Variants in ZNF853 observed in about 807,000 individuals in gnomAD.
ZNF853 encodes zinc finger protein 853.
ZNF853 carries 57 observed loss-of-function variants against 94.7 expected under a neutral mutation model. The ratio of observed to expected loss-of-function variants is 0.60; its 90% CI spans 0.49 to 0.75. The LOEUF (loss-of-function observed/expected upper bound fraction) is 0.75. ZNF853 is among the 30% of genes least tolerant of loss of function. ZNF853 has a pLI of 0.00. For synonymous variants in ZNF853, 448 were observed against 406.3 expected, an observed-to-expected ratio of 1.10 and a Z score of -1.23; for missense variants, 785 against 868.9, an observed-to-expected ratio of 0.90 and a Z score of 1.21.
chr7:6,617,588 G>T (rs1782530580), intron 2 of ZNF853: 2 of 985,312 alleles, frequency 2.0e-6, no homozygotes, highest in Non-Finnish European at 1.2e-6. Context: ...CTGGCAGCCA[G>T]AGGGCCTCCA....
chr7:6,619,499 T>C, intron 2 of ZNF853, among the ~76,000 whole-genome samples: 2 of 152,144 alleles, frequency 1.3e-5, no homozygotes, highest in African/African-American at 4.8e-5. Context: ...CTCAATCTCC[T>C]GACCTCGTGA....
chr7:6,619,417 G>A, intron 2 of ZNF853, among the ~76,000 whole-genome samples: 2 of 152,072 alleles, frequency 1.3e-5, no homozygotes, highest in South Asian at 4.2e-4. Context: ...GACTACAGGC[G>A]CACACCACCA....
chr7:6,621,034 G>C, intron 2 of ZNF853, 88 bp from the exon 3 acceptor site: 1 of 1,425,602 alleles, frequency 7.0e-7, no homozygotes, highest in Non-Finnish European at 9.2e-7. Flanking sequence ...GTATCTTTGA[G>C]GGCAGGGTAA....
chr7:6,621,201 G>T lies in ZNF853; in HGVS notation c.210G>T (p.Ser70=). Residue 70 remains serine (S), a synonymous_variant, in exon 3 of 3, where the codon TCG becomes TCT. Coordinates refer to ENST00000457543, the MANE Select transcript of ZNF853 (RefSeq NM_017560.3). Reference sequence around the variant, plus strand: ...GCAGTCCACAGCGGCCAGCAGTCTCGGCCCCAGTGGGGGCCAGTGAAATCG... The same window carrying T: ...GCAGTCCACAGCGGCCAGCAGTCTCTGCCCCAGTGGGGGCCAGTGAAATCG... The part of the protein sequence containing the change: ...RNSSPQRPAV[S]APVGASEIAE... 6.6e-7 allele frequency: 1 copy of T among 1,523,768 alleles called. No individual in the cohort carries two copies. Among genetic ancestry groups the T allele is most frequent in the South Asian group, 1.3e-5 (1 of 78,854 alleles). The allele number at this position is 1,523,768 out of a possible 1,614,324, so 94.4% of individuals were successfully genotyped here. A position where few individuals can be genotyped will look rare whatever the true frequency, so the allele number is the denominator to read the frequency against.
Position 6,621,717 on chromosome 7 carries a change from A to T in ZNF853, c.726A>T (p.Leu242=). 6.4e-7 allele frequency: 1 copy of T among 1,550,726 alleles called. No individual in the cohort carries two copies. The highest frequency in any genetic ancestry group is 8.7e-7 in the Non-Finnish European group (1 of 1,146,822). Reference sequence around the variant, plus strand: ...AGTTACAGCAGCAGCAGCAGCTACTATTGCTGCAGCAGCAGGGACAGTTAC... The same window carrying T: ...AGTTACAGCAGCAGCAGCAGCTACTTTTGCTGCAGCAGCAGGGACAGTTAC... ...QEQLQQQQQL[L]LLQQQGQLQQ... is the part of the protein sequence containing the mutation. Residue 242 remains leucine (L), a synonymous_variant, in exon 3 of 3, where the codon CTA becomes CTT. Transcript: ENST00000457543.
chr7:6,622,506 C>A lies in ZNF853; in HGVS notation c.1515C>A (p.Ala505=). 1 of 1,545,748 alleles carries A rather than the reference C, an allele frequency of 6.5e-7. No individual in the cohort carries two copies. ...GCACGGACCTGGTGCGCCACCAGGC[C>A]ACGCACACGGGTGAGCGGCCACACC... The part of the protein sequence containing the change: ...SRSTDLVRHQ[A]THTGERPHRC... Residue 505 remains alanine (A), a synonymous_variant, in exon 3 of 3, where the codon GCC becomes GCA. Transcript: ENST00000457543.
rs1225558233 is a variant in ZNF853, at chr7:6,622,851, C to T, written c.1860C>T (p.His620=). The change falls in exon 3 of 3, where the codon CAC becomes CAT. Residue 620 remains histidine (H), a synonymous_variant. Transcript: ENST00000457543. ...TCCGCCGCCACGAGCGCCAGCTGCA[C>T]GGCGCGGGCCGCTCCAGGGGCCTCG... ...VQIRRHERQL[H]GAGRSRGLGL... The T allele has an allele frequency of 1.1e-5, 16 of 1,471,674 alleles. No individual in the cohort carries two copies. Among genetic ancestry groups the T allele is most frequent in the Admixed American group, 4.6e-5 (2 of 43,438 alleles). 91.2% of individuals were successfully genotyped at this position (1,471,674 alleles called of 1,614,324 possible).
rs1401232862 is a variant in ZNF853, at chr7:6,621,323, A to C, written c.332A>C (p.Gln111Pro). Residue 111 changes from glutamine (Q) to proline (P), a missense_variant, in exon 3 of 3, where the codon CAG becomes CCG. Coordinates refer to ENST00000457543, the MANE Select transcript of ZNF853 (RefSeq NM_017560.3). The part of the protein sequence containing the change: ...QQQPQHEQLQ[Q>P]PQPHLELQQQ... Reference sequence around the variant, plus strand: ...CAGCCGCAACACGAGCAGCTGCAACAGCCGCAGCCACACCTAGAACTGCAA... The same window carrying C: ...CAGCCGCAACACGAGCAGCTGCAACCGCCGCAGCCACACCTAGAACTGCAA... The C allele has an allele frequency of 1.3e-6, 2 of 1,551,548 alleles. No individual in the cohort carries two copies. The highest frequency in any genetic ancestry group is 2.4e-5 in the East Asian group (1 of 40,910).
chr7:6,621,086 T>G lies in ZNF853; in HGVS notation c.131-36T>G. The G allele has an allele frequency of 1.2e-5, 18 of 1,460,904 alleles. 1 individual carries two copies. In the South Asian group the frequency reaches 2.1e-4, roughly 17 times the overall value. The allele number at this position is 1,460,904 out of a possible 1,614,324, so 90.5% of individuals were successfully genotyped here. ...TCTGCACCAGAGAGCTTCCTGTAGA[T>G]CTTTCTCTCTTGGCTTCCTGCCATT... On this transcript the variant is annotated intron_variant, in intron 2 of 2. Transcript: ENST00000457543.
rs1447687554 is a variant in ZNF853 at position 6,622,825 on chromosome 7, A to G, written c.1834A>G (p.Ile612Val). ...CGAGCGCTTCCGACACAAGGTGCAG[A>G]TCCGCCGCCACGAGCGCCAGCTGCA... ...CGERFRHKVQ[I>V]RRHERQLHGA... Residue 612 changes from isoleucine to valine, a missense_variant, in exon 3 of 3, where the codon ATC becomes GTC. Transcript: ENST00000457543. The G allele has an allele frequency of 3.3e-6, 5 of 1,523,306 alleles. No individual in the cohort carries two copies. The highest frequency in any genetic ancestry group is 4.4e-6 in the Non-Finnish European group (5 of 1,139,188). 94.4% of individuals were successfully genotyped at this position (1,523,306 alleles called of 1,614,324 possible). A position where few individuals can be genotyped will look rare whatever the true frequency, so the allele number is the denominator to read the frequency against.
Position 6,623,713 on chromosome 7 carries a change from T to G in ZNF853, c.*742T>G. On this transcript the variant is annotated 3_prime_UTR_variant, in exon 3 of 3. Coordinates refer to ENST00000457543, the MANE Select transcript of ZNF853 (RefSeq NM_017560.3). The stretch of plus-strand genomic sequence containing the variant: ...TGGCCTCTGCTGCTGTGTCCCCCAG[T>G]CCCCCCAGCCCGCATTAATGTCCTC... 1 of 188,442 alleles carries G rather than the reference T, an allele frequency of 5.3e-6. No homozygotes were observed. Among genetic ancestry groups the G allele is most frequent in the Non-Finnish European group, 1.1e-5 (1 of 92,266 alleles). The allele number at this position is 188,442 out of a possible 1,614,324, so 11.7% of individuals were successfully genotyped here.
intron 2 of ZNF853, among the ~76,000 whole-genome samples, chr7:6,618,415 TAAA>T: frequency 6.6e-6 from 1 of 151,416 alleles, no homozygotes; most frequent in African/African-American, 2.4e-5. Flanking sequence ...ATGCCTTTGT[TAAA>T]AATGCTGAGG....
intron 2 of ZNF853, among the ~76,000 whole-genome samples, chr7:6,617,836 T>C: frequency 6.6e-6 from 1 of 152,116 alleles, no homozygotes; most frequent in Non-Finnish European, 1.5e-5. Flanking sequence ...CCAAGACCTC[T>C]TCCTCTGGGA....
At chr7:6,618,449 C>G in intron 2 of ZNF853, among the ~76,000 whole-genome samples, 1 of 152,140 alleles carries the variant, frequency 6.6e-6, no homozygotes, top group Non-Finnish European at 1.5e-5. Flanking sequence ...TGGCTCACAC[C>G]TGTAATCCCA....
chr7:6,619,505 C>T, intron 2 of ZNF853, among the ~76,000 whole-genome samples: 2 of 152,066 alleles, frequency 1.3e-5, no homozygotes, highest in Non-Finnish European at 2.9e-5. Context: ...CTCCTGACCT[C>T]GTGATCCATC....
Position 6,624,278 on chromosome 7 carries a change from T to C in ZNF853, c.*1307T>C, listed in dbSNP as rs1316174854. The C allele has an allele frequency of 6.6e-6, 1 of 152,212 alleles. No individual in the cohort carries two copies. Among genetic ancestry groups the C allele is most frequent in the East Asian group, 1.9e-4 (1 of 5,204 alleles). The allele number at this position is 152,212 out of a possible 1,614,324, so 9.4% of individuals were successfully genotyped here. A position where few individuals can be genotyped will look rare whatever the true frequency, so the allele number is the denominator to read the frequency against. ...AACAGAAACGAAAAATAAATTAAAA[T>C]GCAGAAATACAATGTCCTTGTCTTG... On this transcript the variant is annotated 3_prime_UTR_variant, in exon 3 of 3. Coordinates refer to ENST00000457543, the MANE Select transcript of ZNF853 (RefSeq NM_017560.3).
intron 2 of ZNF853, chr7:6,617,660 C>T: frequency 2.0e-6 from 2 of 985,344 alleles, no homozygotes; most frequent in African/African-American, 1.7e-5. Context: ...GGATCCGATT[C>T]AGGTACTAAT....
At chr7:6,618,187 C>T in intron 2 of ZNF853, among the ~76,000 whole-genome samples, 2 of 151,998 alleles carry the variant, frequency 1.3e-5, no homozygotes, top group Admixed American at 6.6e-5. Context: ...ATCTCAGCTA[C>T]TCGGGAGGCT....
chr7:6,623,281 C>T lies in ZNF853; in HGVS notation c.*310C>T, dbSNP rs1003312851. 2.5e-6 allele frequency: 1 copy of T among 398,718 alleles called. No individual in the cohort carries two copies. The highest frequency in any genetic ancestry group is 4.4e-6 in the Non-Finnish European group (1 of 226,220). The allele number at this position is 398,718 out of a possible 1,614,324, so 24.7% of individuals were successfully genotyped here. On this transcript the variant is annotated 3_prime_UTR_variant, in exon 3 of 3. Coordinates refer to ENST00000457543, the MANE Select transcript of ZNF853 (RefSeq NM_017560.3). ...CCCTCCGGGAAAACTGGACTTACTA[C>T]GAACGAGGAAAAACCCCCAGTGGCG...
Sources: gnomAD v4.1 joint callset for allele counts (sites outside exome capture counted in the v4.1 genomes callset) on GRCh38, gnomAD v4.1.1 for gene constraint, MANE v1.5 for transcripts, NCBI Gene and HGNC (gene_info 2026-07-23, HGNC 2026-07-21) for gene names.